Variants in MAP4 observed in about 807,000 individuals in gnomAD.
MAP4 encodes microtubule-associated protein 4.
In MAP4, 76 loss-of-function variants were observed where a neutral mutation model predicts 170.2. The ratio of observed to expected loss-of-function variants is 0.45; its 90% confidence interval spans 0.37 to 0.54. MAP4 has a LOEUF of 0.54. Ranked by LOEUF, MAP4 falls within the 20% of genes least tolerant of loss-of-function variation. The pLI, the probability that MAP4 is intolerant of heterozygous loss-of-function variation, is 0.00. For synonymous variants in MAP4, 909 were observed against 994.5 expected (o/e 0.91, Z 1.62); for missense variants, 2,506 against 2,748.0 (o/e 0.91, Z 1.97).
intron 2 of MAP4, chr3:47,987,395 G>A: frequency 6.5e-7 from 1 of 1,533,188 alleles, no homozygotes; most frequent in Non-Finnish European, 8.7e-7. Context: ...AGAGGAAGAT[G>A]AAAAGAAAGG....
At chr3:47,895,950 C>T (rs2100026595) in intron 10 of MAP4, among the ~76,000 whole-genome samples, 1 of 151,902 alleles carries the variant, frequency 6.6e-6, no homozygotes, top group Non-Finnish European at 1.5e-5. Context: ...CTGGGCCAAG[C>T]ACTGGCTTCA....
In MAP4 at chr3:47,958,770, G is replaced by A. The variant is rs1312714609; in HGVS notation, c.292+19095C>T. Among the ~76,000 whole-genome samples, 8 of 147,952 alleles carry A rather than the reference G, an allele frequency of 5.4e-5. No individual in the cohort carries two copies. In the South Asian group the frequency reaches 1.1e-3, roughly 20 times the overall value. On this transcript the variant is annotated intron_variant, in intron 3 of 20. Transcript: ENST00000683076. ...AAGATCTCGGCTCACTGCAACCTCC[G>A]CCTCCCAGGTTCAAGCAATTCTCCT...
chr3:48,039,339 A>G (rs940146261), intron 1 of MAP4: 9 of 152,984 alleles, frequency 5.9e-5, no homozygotes, highest in African/African-American at 1.9e-4. Context: ...GCAGAGCCCC[A>G]ATTCTTACTT....
intron 17 of MAP4, among the ~76,000 whole-genome samples, chr3:47,860,950 C>G (rs2064613961): frequency 1.3e-5 from 2 of 152,224 alleles, no homozygotes; most frequent in African/African-American, 2.4e-5. Flanking sequence ...GAGCCAGGCA[C>G]AGTGGCTCAC....
intron 3 of MAP4, among the ~76,000 whole-genome samples, chr3:47,946,567 T>C (rs1382177977): frequency 6.9e-6 from 1 of 144,872 alleles, no homozygotes; most frequent in Non-Finnish European, 1.5e-5. Flanking sequence ...GACAGGAGAA[T>C]CGCTTGAACC....
At chr3:48,062,599 A>T (rs1055872994) in intron 1 of MAP4, among the ~76,000 whole-genome samples, 27 of 150,946 alleles carry the variant, frequency 1.8e-4, no homozygotes, top group Non-Finnish European at 3.8e-4. Flanking sequence ...AAAAAAATTT[A>T]AAAAATTAAA....
At chr3:47,973,467 T>C in intron 3 of MAP4, 2 of 985,294 alleles carry the variant, frequency 2.0e-6, no homozygotes, top group Non-Finnish European at 2.4e-6. Flanking sequence ...TCTTTCAAAA[T>C]GAAACGTCCA....
intron 3 of MAP4, among the ~76,000 whole-genome samples, chr3:47,947,854 A>C (rs890000859): frequency 6.6e-6 from 1 of 151,950 alleles, no homozygotes; most frequent in African/African-American, 2.4e-5. Flanking sequence ...AGAAAACAAA[A>C]ATCTCTGCTT....
chr3:47,883,250 AC>A (rs2097073742), intron 10 of MAP4, among the ~76,000 whole-genome samples: 1 of 151,468 alleles, frequency 6.6e-6, no homozygotes. Flanking sequence ...TTTTTTGGAG[AC>A]CAAGTTTTGC....
At chr3:47,966,247 T>C (rs2154196266) in intron 3 of MAP4, among the ~76,000 whole-genome samples, 2 of 124,512 alleles carry the variant, frequency 1.6e-5, no homozygotes, top group South Asian at 5.9e-4. Context: ...TTTTTTTTTT[T>C]TTTTTTTTTT....
intron 1 of MAP4, among the ~76,000 whole-genome samples, chr3:48,022,682 A>G (rs1002397956): frequency 6.6e-6 from 1 of 152,132 alleles, no homozygotes; most frequent in African/African-American, 2.4e-5. Flanking sequence ...CAAGGTCAAG[A>G]GATGGAGACC....
rs748368698 is a variant in MAP4 at position 47,869,304 on chromosome 3, C to T, written c.6318G>A (p.Glu2106=). The change falls in exon 16 of 21, where the codon GAG becomes GAA. Residue 2106 remains glutamate, a synonymous_variant. Transcript: ENST00000683076. The part of the protein sequence containing the change: ...GGRAKVEKKT[E]AAATTRKPES... The stretch of plus-strand genomic sequence containing the variant: ...CAGGCTTTCGGGTTGTAGCAGCTGC[C>T]TCTGTTTTTTTCTCTACTTTGGCCT... 198 of 1,613,886 alleles carry T rather than the reference C, an allele frequency of 1.2e-4. 1 individual carries two copies. In the East Asian group the frequency reaches 4.0e-3, roughly 33 times the overall value.
At chr3:48,002,254 A>G (rs1350700965) in intron 1 of MAP4, among the ~76,000 whole-genome samples, 5 of 149,588 alleles carry the variant, frequency 3.3e-5, no homozygotes, top group Non-Finnish European at 5.9e-5. Context: ...AAAGAAAAAA[A>G]AAAGAAAAAA....
Position 47,911,186 on chromosome 3 carries a change from T to C in MAP4, c.3235A>G (p.Lys1079Glu). 1 of 1,536,118 alleles carries C rather than the reference T, an allele frequency of 6.5e-7. No individual in the cohort carries two copies. ...AGAAATGGCAGCTCAGATTTTGCTT[T>C]TACCTTCCCAGAATCTGTTCTCATT... ...GKMRTDSGKV[K>E]AKSELPFLLD... Residue 1079 changes from lysine (K) to glutamate (E), a missense_variant, in exon 9 of 21, where the codon AAA becomes GAA. Around this residue, in one of 3 missense-constraint regions of MAP4, gnomAD observed 2,008 missense variants for 2,206.0 expected, o/e 0.91. Transcript: ENST00000683076. The surrounding 1 kb of genome is among the most constrained non-coding windows in gnomAD (Gnocchi z 4.0).
intron 13 of MAP4, among the ~76,000 whole-genome samples, 181 bp downstream of exon 13, chr3:47,871,736 A>G (rs2092837240): frequency 6.6e-6 from 1 of 152,218 alleles, no homozygotes; most frequent in South Asian, 2.1e-4. Context: ...TCACACAGAG[A>G]TCAAGGCTTG....
intron 1 of MAP4, among the ~76,000 whole-genome samples, chr3:48,067,489 A>C (rs1272176317): frequency 6.6e-6 from 1 of 152,140 alleles, no homozygotes; most frequent in East Asian, 1.9e-4. Context: ...GCCACAGTGC[A>C]CAGCTAATTT....
At chr3:47,893,021 T>C (rs2100024853) in intron 10 of MAP4, among the ~76,000 whole-genome samples, 1 of 134,846 alleles carries the variant, frequency 7.4e-6, no homozygotes, top group Non-Finnish European at 1.6e-5. Flanking sequence ...TGTTCAAAAT[T>C]GGACTAAAAA....
intron 2 of MAP4, among the ~76,000 whole-genome samples, chr3:47,979,157 G>A (rs2100083927): frequency 6.6e-6 from 1 of 151,604 alleles, no homozygotes; most frequent in Admixed American, 6.6e-5. Context: ...GTTAAATTTT[G>A]TATATGGTGT....
intron 1 of MAP4, among the ~76,000 whole-genome samples, chr3:48,083,614 C>T (rs2100147668): frequency 6.6e-6 from 1 of 151,658 alleles, no homozygotes; most frequent in Non-Finnish European, 1.5e-5. Flanking sequence ...ATCTGCCCAC[C>T]TCAGCCTCCC....
Sources: gnomAD v4.1 joint callset for allele counts (sites outside exome capture counted in the v4.1 genomes callset) on GRCh38, gnomAD v4.1.1 for gene constraint, gnomAD v4.1.1 regional missense constraint, Gnocchi (gnomAD v3.1) non-coding constraint, MANE v1.5 for transcripts, NCBI Gene and HGNC (gene_info 2026-07-23, HGNC 2026-07-21) for gene names.